SF3A3: variants seen among roughly 807,000 people sequenced by gnomAD.
The protein encoded by SF3A3 is splicing factor 3a subunit 3.
A neutral mutation model predicts 85.8 loss-of-function variants in SF3A3; 9 were observed. The observed-to-expected ratio is 0.10, with a 90% confidence interval of 0.06 to 0.18. The LOEUF is 0.18. Ranked by LOEUF, SF3A3 falls within the 10% of genes least tolerant of loss-of-function variation. SF3A3 has a pLI of 1.00. For synonymous variants in SF3A3, 195 were observed against 204.4 expected (o/e 0.95, Z 0.39); for missense variants, 306 against 593.3 (o/e 0.52, Z 5.03).
intron 15 of SF3A3, among the ~76,000 whole-genome samples, chr1:37,961,200 A>G (rs1646255311): frequency 6.6e-6 from 1 of 152,190 alleles, no homozygotes; most frequent in East Asian, 1.9e-4. Flanking sequence ...TGAATAGTAA[A>G]TAAAACAATA....
At chr1:37,983,586 C>CAAAAAAAAAGAAAAAA (rs1646435262) in intron 6 of SF3A3, among the ~76,000 whole-genome samples, 1 of 38,490 alleles carries the variant, frequency 2.6e-5, no homozygotes, top group Admixed American at 4.5e-4. Flanking sequence ...GACCCTGTCT[C>CAAAAAAAAAGAAAAAA]AAAAAAAAAA....
intron 6 of SF3A3, among the ~76,000 whole-genome samples, chr1:37,983,256 TAAAAAAAAA>T (rs71057113): frequency 4.9e-5 from 6 of 121,494 alleles, no homozygotes; most frequent in East Asian, 4.9e-4. Flanking sequence ...GGTATTTATT[TAAAAAAAAA>T]AAAAAAAAAA....
rs1557745623 is a variant in SF3A3, at chr1:37,960,397, A to T, written c.1373-222T>A. 4 of 501,356 alleles carry T rather than the reference A, an allele frequency of 8.0e-6. No homozygotes were observed. The highest frequency in any genetic ancestry group is 1.4e-5 in the Non-Finnish European group (4 of 277,684). 31.1% of individuals were successfully genotyped at this position (501,356 alleles called of 1,614,324 possible). ...CTTGCTTTGCTATAAAAGTTGGATC[A>T]AATATAACCAAAGACCTCCGAAAAC... On this transcript the variant is annotated intron_variant, in intron 15 of 16. Coordinates refer to ENST00000373019, the MANE Select transcript of SF3A3 (RefSeq NM_006802.4).
chr1:37,982,523 A>T (rs1646426521), intron 6 of SF3A3, among the ~76,000 whole-genome samples: 1 of 151,986 alleles, frequency 6.6e-6, no homozygotes, highest in South Asian at 2.1e-4. Flanking sequence ...GGCATGAGCC[A>T]CCATGCCCGG....
chr1:37,987,563 G>C lies in SF3A3; in HGVS notation c.303+10C>G. ...ATAGGTCTGGAGAAAATACTTTTCT[G>C]AGGACATACCTCATTTGGGTGCTTC... On this transcript the variant is annotated intron_variant, in intron 4 of 16. Coordinates refer to ENST00000373019, the MANE Select transcript of SF3A3 (RefSeq NM_006802.4). 3 of 1,589,750 alleles carry C rather than the reference G, an allele frequency of 1.9e-6. No homozygotes were observed. The highest frequency in any genetic ancestry group is 2.6e-6 in the Non-Finnish European group (3 of 1,157,688).
Position 37,989,918 on chromosome 1 carries a change from T to C in SF3A3, c.48A>G (p.Glu16=). 1 of 1,613,636 alleles carries C rather than the reference T, an allele frequency of 6.2e-7. No homozygotes were observed. Among genetic ancestry groups the C allele is most frequent in the Non-Finnish European group, 8.5e-7 (1 of 1,179,930 alleles). The change falls in exon 1 of 17, where the codon GAA becomes GAG. Residue 16 remains glutamate (E), a synonymous_variant. Transcript: ENST00000373019. ...EQQRRYHEEK[E]RLMDVMAKEM... ...CTTTAGCCATGACGTCCATGAGCCG[T>C]TCCTTCTCCTCATGATAGCGCCGCT... is the stretch of plus-strand genomic sequence containing the variant.
chr1:37,959,538 A>G (rs531471278), intron 16 of SF3A3, among the ~76,000 whole-genome samples: 4 of 152,064 alleles, frequency 2.6e-5, no homozygotes, highest in Non-Finnish European at 5.9e-5. Flanking sequence ...AGTCCCAATT[A>G]GCTGGGACTA....
intron 4 of SF3A3, 58 bp downstream of exon 4, chr1:37,987,515 C>G: frequency 7.8e-7 from 1 of 1,275,722 alleles, no homozygotes; most frequent in African/African-American, 1.5e-5. Context: ...TCCTTTATAC[C>G]TTTCCTTTAG....
chr1:37,987,478 G>T, intron 4 of SF3A3, 95 bp downstream of exon 4: 1 of 869,122 alleles, frequency 1.2e-6, no homozygotes. Context: ...CTTTCTTGAA[G>T]TGCATTTGAA....
chr1:37,989,403 G>T, intron 2 of SF3A3, 145 bp downstream of exon 2: 1 of 719,934 alleles, frequency 1.4e-6, no homozygotes, highest in Non-Finnish European at 2.2e-6. Flanking sequence ...TCGGCAGCCT[G>T]TGGACATCTG....
chr1:37,978,209 C>T (rs1646393169), intron 11 of SF3A3, among the ~76,000 whole-genome samples: 1 of 151,300 alleles, frequency 6.6e-6, no homozygotes, highest in African/African-American at 2.4e-5. Flanking sequence ...TGTGGTGGTG[C>T]GTGCCTGTAG....
intron 6 of SF3A3, among the ~76,000 whole-genome samples, chr1:37,983,711 G>A (rs1323954142): frequency 6.6e-6 from 1 of 151,836 alleles, no homozygotes; most frequent in Non-Finnish European, 1.5e-5. Flanking sequence ...GAGACAGGAG[G>A]ATCATTTGAG....
intron 2 of SF3A3, among the ~76,000 whole-genome samples, chr1:37,988,620 T>C (rs1252674154): frequency 6.6e-6 from 1 of 152,174 alleles, no homozygotes; most frequent in African/African-American, 2.4e-5. Context: ...TGTAATCTGA[T>C]AATCTCCTGC....
chr1:37,980,779 C>A, intron 7 of SF3A3, 55 bp from the exon 8 acceptor site: 3 of 1,374,908 alleles, frequency 2.2e-6, no homozygotes, highest in Non-Finnish European at 2.0e-6. Flanking sequence ...TTTTTGGTAT[C>A]TTGTTATTCC....
intron 15 of SF3A3, among the ~76,000 whole-genome samples, chr1:37,962,122 A>T (rs1646264565): frequency 6.6e-6 from 1 of 150,392 alleles, no homozygotes; most frequent in East Asian, 2.0e-4. Flanking sequence ...CAAACAAAAA[A>T]AAACATTAGC....
intron 15 of SF3A3, 195 bp from the exon 16 acceptor site, chr1:37,960,370 A>T: frequency 3.9e-6 from 2 of 516,322 alleles, no homozygotes; most frequent in South Asian, 3.2e-5. Flanking sequence ...ATTCATCATG[A>T]TCTTGCTTTG....
At chr1:37,987,967 T>G in intron 2 of SF3A3, 131 bp from the exon 3 acceptor site, 1 of 760,306 alleles carries the variant, frequency 1.3e-6, no homozygotes, top group Non-Finnish European at 2.3e-6. Context: ...GTCTTAACAG[T>G]TCTGTGCTTC....
chr1:37,969,524 G>T, intron 13 of SF3A3, 47 bp downstream of exon 13: 7 of 1,613,836 alleles, frequency 4.3e-6, no homozygotes, highest in Non-Finnish European at 5.9e-6. Flanking sequence ...CTCTGTATCT[G>T]TTTCCAAAAT....
intron 4 of SF3A3, among the ~76,000 whole-genome samples, chr1:37,985,835 C>T (rs1430571704): frequency 1.3e-5 from 2 of 152,046 alleles, no homozygotes; most frequent in Non-Finnish European, 2.9e-5. Context: ...AATAAACAGC[C>T]TCTATTTTTT....
Sources: allele counts gnomAD v4.1 joint callset (sites outside exome capture counted in the v4.1 genomes callset), GRCh38; gene constraint gnomAD v4.1.1; transcripts MANE v1.5; gene names NCBI Gene and HGNC (gene_info 2026-07-23, HGNC 2026-07-21).